CTNNA3: variants seen among roughly 807,000 people sequenced by gnomAD.
CTNNA3 encodes the protein catenin alpha-3.
In CTNNA3, 76 loss-of-function variants were observed where a neutral mutation model predicts 95.7. That is an observed-to-expected ratio of 0.79 (90% CI 0.66 to 0.96). CTNNA3 has a LOEUF of 0.96. Among genes scored for constraint, CTNNA3 ranks in the 40% least tolerant of loss-of-function variants. CTNNA3 has a pLI of 0.00. For synonymous variants in CTNNA3, 431 were observed against 374.4 expected (o/e 1.15, Z -1.74); for missense variants, 1,191 against 1,089.8 (o/e 1.09, Z -1.31).
At chr10:67,155,036 C>CTGTA (rs1211781642) in intron 7 of CTNNA3, among the ~76,000 whole-genome samples, 1 of 152,116 alleles carries the variant, frequency 6.6e-6, no homozygotes, top group African/African-American at 2.4e-5. Flanking sequence ...TTTTAGCACC[C>CTGTA]TGTATATTTC....
intron 9 of CTNNA3, among the ~76,000 whole-genome samples, chr10:66,715,651 T>C (rs1447881624): frequency 2.0e-5 from 3 of 152,278 alleles, no homozygotes; most frequent in South Asian, 2.1e-4. Context: ...TTCAGTGCAA[T>C]ATTTGATAGC....
intron 11 of CTNNA3, among the ~76,000 whole-genome samples, chr10:66,452,277 CT>C (rs2131826781): frequency 6.6e-6 from 1 of 152,218 alleles, no homozygotes; most frequent in South Asian, 2.1e-4. Context: ...TTCCATTAGA[CT>C]TTTTGTCAAG....
At position 66,331,342 on chromosome 10, in the gene CTNNA3, G is replaced by GT. The variant is rs60709020; in HGVS notation, c.1732+47809dup. On this transcript the variant is annotated intron_variant, in intron 12 of 17. Coordinates refer to ENST00000433211, the MANE Select transcript of CTNNA3 (RefSeq NM_013266.4). ...ATATGGACTCCTTTCCCCATTGTTT[G>GT]TTTTTTTTTTTTTTTTTTTTTTTTT... Among the ~76,000 whole-genome samples, 494 of 80,270 alleles carry GT rather than the reference G, an allele frequency of 6.2e-3. 53 individuals are homozygous for GT. The highest frequency in any genetic ancestry group is 0.011 in the South Asian group (24 of 2,118). 52.7% of individuals were successfully genotyped at this position (80,270 alleles called of 152,430 possible). A position where few individuals can be genotyped will look rare whatever the true frequency, so the allele number is the denominator to read the frequency against.
rs372184000 is a variant in CTNNA3 at position 66,186,535 on chromosome 10, T to A, written c.1885-83286A>T. On this transcript the variant is annotated intron_variant, in intron 13 of 17. Transcript: ENST00000433211. The stretch of plus-strand genomic sequence containing the variant: ...CCAACTGAATTAAATTAGAAATTCA[T>A]CTGCATTATCATAAGATATATCAAC... 2.5e-4 allele frequency among the ~76,000 whole-genome samples: 38 copies of A among 152,272 alleles called. No individual in the cohort carries two copies. The East Asian group carries it at 6.9e-3, about 28-fold the overall frequency.
rs1229230700 is a variant in CTNNA3, at chr10:66,480,556, T to C, written c.1531+40061A>G. Among the ~76,000 whole-genome samples, 4 of 152,290 alleles carry C rather than the reference T, an allele frequency of 2.6e-5. No individual in the cohort carries two copies. In the East Asian group the frequency reaches 7.7e-4, roughly 29 times the overall value. ...GCCTCTGTGATCAGAGACTTTACAATGACTCCAATGATATTACATAATTTT... is the reference window on the plus strand; with the variant it reads ...GCCTCTGTGATCAGAGACTTTACAACGACTCCAATGATATTACATAATTTT... On this transcript the variant is annotated intron_variant, in intron 11 of 17. Coordinates refer to ENST00000433211, the MANE Select transcript of CTNNA3 (RefSeq NM_013266.4).
At chr10:67,750,924 C>G in intron 1 of CTNNA3, 4 of 1,610,028 alleles carry the variant, frequency 2.5e-6, no homozygotes, top group Non-Finnish European at 3.4e-6. Flanking sequence ...GCCCCCTAGG[C>G]TCTCCGGATA....
chr10:67,284,611 G>C (rs1839522430), intron 5 of CTNNA3, among the ~76,000 whole-genome samples: 1 of 152,160 alleles, frequency 6.6e-6, no homozygotes. Flanking sequence ...AATTAAAAAG[G>C]TATTTGATCA....
intron 13 of CTNNA3, among the ~76,000 whole-genome samples, chr10:66,170,715 G>A (rs1208243578): frequency 7.6e-6 from 1 of 131,570 alleles, no homozygotes; most frequent in Non-Finnish European, 1.6e-5. Flanking sequence ...TTCAGAGAAA[G>A]CAATGTTTAC....
intron 5 of CTNNA3, among the ~76,000 whole-genome samples, chr10:67,246,459 A>G (rs1319272918): frequency 6.6e-6 from 1 of 152,208 alleles, no homozygotes; most frequent in African/African-American, 2.4e-5. Context: ...CCTCTAATGC[A>G]GAAATAAACC....
At chr10:65,956,771 G>T (rs746250287) in intron 17 of CTNNA3, among the ~76,000 whole-genome samples, 10 of 152,146 alleles carry the variant, frequency 6.6e-5, no homozygotes, top group Non-Finnish European at 1.0e-4. Context: ...TATAATTTCT[G>T]TTCTTTTACA....
intron 5 of CTNNA3, among the ~76,000 whole-genome samples, chr10:67,507,312 G>A (rs768871887): frequency 3.3e-5 from 5 of 151,964 alleles, no homozygotes; most frequent in South Asian, 4.2e-4. Flanking sequence ...GGTGGATCAC[G>A]ACGTCAGCAG....
At chr10:66,087,423 G>A (rs2081027782) in intron 14 of CTNNA3, among the ~76,000 whole-genome samples, 1 of 152,080 alleles carries the variant, frequency 6.6e-6, no homozygotes, top group Non-Finnish European at 1.5e-5. Context: ...TGCTTCATTG[G>A]CATCTACTGG....
At chr10:67,227,833 T>C (rs1233513342) in intron 5 of CTNNA3, among the ~76,000 whole-genome samples, 1 of 152,090 alleles carries the variant, frequency 6.6e-6, no homozygotes. Context: ...AAAATTGAAA[T>C]TATATCAAGC....
intron 7 of CTNNA3, among the ~76,000 whole-genome samples, chr10:67,087,904 C>A (rs1857397437): frequency 6.6e-6 from 1 of 151,914 alleles, no homozygotes; most frequent in Non-Finnish European, 1.5e-5. Context: ...TATAAGGAAT[C>A]ATGTGAGACA....
intron 11 of CTNNA3, among the ~76,000 whole-genome samples, chr10:66,445,827 G>A (rs2093416121): frequency 6.6e-6 from 1 of 152,048 alleles, no homozygotes; most frequent in Non-Finnish European, 1.5e-5. Flanking sequence ...TAAAATCAGA[G>A]CAGAACTGAA....
rs532552348 is a variant in CTNNA3, at chr10:66,046,424, C to T, written c.2159+22884G>A. 2.6e-4 allele frequency among the ~76,000 whole-genome samples: 40 copies of T among 152,036 alleles called. 1 individual carries two copies. The highest frequency in any genetic ancestry group is 3.8e-4 in the Non-Finnish European group (26 of 67,988). On this transcript the variant is annotated intron_variant, in intron 15 of 17. Coordinates refer to ENST00000433211, the MANE Select transcript of CTNNA3 (RefSeq NM_013266.4). The stretch of plus-strand genomic sequence containing the variant: ...GGTCCAGCAAAGTGGGAGGTTAGAC[C>T]CCCATACATACAATATACCAGAATC...
At chr10:66,475,081 GT>G (rs1839275816) in intron 11 of CTNNA3, among the ~76,000 whole-genome samples, 2 of 151,844 alleles carry the variant, frequency 1.3e-5, no homozygotes, top group Non-Finnish European at 2.9e-5. Flanking sequence ...ATGTCTTCTA[GT>G]TTCATGTAAC....
intron 13 of CTNNA3, among the ~76,000 whole-genome samples, chr10:66,224,732 A>C (rs1053071077): frequency 6.6e-6 from 1 of 152,190 alleles, no homozygotes; most frequent in Admixed American, 6.5e-5. Flanking sequence ...ATACGAACCA[A>C]ACATAGAAAT....
chr10:66,164,368 C>A (rs2085011477), intron 13 of CTNNA3, among the ~76,000 whole-genome samples: 1 of 152,124 alleles, frequency 6.6e-6, no homozygotes, highest in South Asian at 2.1e-4. Context: ...ATTTGGGCAA[C>A]TTCTCTTCTC....
Sources: allele counts gnomAD v4.1 joint callset (sites outside exome capture counted in the v4.1 genomes callset), GRCh38; gene constraint gnomAD v4.1.1; transcripts MANE v1.5; gene names NCBI Gene and HGNC (gene_info 2026-07-23, HGNC 2026-07-21).